FRMD3: variants seen among roughly 807,000 people sequenced by gnomAD.
FRMD3 encodes FERM domain-containing protein 3.
Under a neutral mutation model 70.2 loss-of-function variants are expected in FRMD3, and 33 were observed. The observed-to-expected ratio is 0.47, with a 90% CI of 0.36 to 0.63. The LOEUF (loss-of-function observed/expected upper bound fraction) is 0.63. FRMD3 is among the 20% of genes least tolerant of loss of function. The probability of loss-of-function intolerance (pLI) is 0.00; values close to 1 mark genes in which losing one functional copy is unlikely to be tolerated. For synonymous variants in FRMD3, 279 were observed against 255.9 expected, an observed-to-expected ratio of 1.09 and a Z score of -0.86; for missense variants, 632 against 711.4, an observed-to-expected ratio of 0.89 and a Z score of 1.27.
rs529411541 is a variant in FRMD3 at position 83,390,551 on chromosome 9, C to T, written c.148-843G>A. 4.6e-5 allele frequency among the ~76,000 whole-genome samples: 7 copies of T among 152,210 alleles called. 1 individual carries two copies. Among genetic ancestry groups the T allele is most frequent in the African/African-American group, 1.2e-4 (5 of 41,530 alleles). Reference sequence around the variant, plus strand: ...GGTAAACCCCTAGCTGTTTCTACTTCGGTAAAATAAGGTGGTTGGACTAGA... The same window carrying T: ...GGTAAACCCCTAGCTGTTTCTACTTTGGTAAAATAAGGTGGTTGGACTAGA... On this transcript the variant is annotated intron_variant, in intron 1 of 13. Coordinates refer to ENST00000304195, the MANE Select transcript of FRMD3 (RefSeq NM_174938.6).
chr9:83,495,263 T>C (rs1828918532), intron 1 of FRMD3, among the ~76,000 whole-genome samples: 1 of 152,078 alleles, frequency 6.6e-6, no homozygotes, highest in South Asian at 2.1e-4. Flanking sequence ...AGAGGACAAG[T>C]TTCCAGGAGG....
chr9:83,386,190 G>A (rs1434979621), intron 2 of FRMD3, among the ~76,000 whole-genome samples: 2 of 152,196 alleles, frequency 1.3e-5, no homozygotes, highest in Non-Finnish European at 2.9e-5. Context: ...CTAATCAGGA[G>A]AGATGGGATT....
chr9:83,269,761 T>C (rs1266043978), intron 13 of FRMD3, among the ~76,000 whole-genome samples: 1 of 152,190 alleles, frequency 6.6e-6, no homozygotes, highest in East Asian at 1.9e-4. Flanking sequence ...ACAAAAGTAT[T>C]ATTATTATTT....
At chr9:83,280,727 CATT>C (rs1833950101) in intron 13 of FRMD3, among the ~76,000 whole-genome samples, 1 of 152,102 alleles carries the variant, frequency 6.6e-6, no homozygotes, top group African/African-American at 2.4e-5. Flanking sequence ...GTATATCTGT[CATT>C]GTATATATGC....
intron 3 of FRMD3, among the ~76,000 whole-genome samples, chr9:83,350,040 T>G (rs1002547815): frequency 2.0e-5 from 3 of 152,190 alleles, no homozygotes; most frequent in Non-Finnish European, 1.5e-5. Context: ...CTTCATTCCT[T>G]CATTCTCTCC....
At chr9:83,545,286 G>C in the FRMD3 span, among the ~76,000 whole-genome samples, 1 of 151,286 alleles carries the variant, frequency 6.6e-6, no homozygotes, top group Non-Finnish European at 1.5e-5. Flanking sequence ...AAGAATTTCA[G>C]AGCTCAATGA....
intron 1 of FRMD3, among the ~76,000 whole-genome samples, chr9:83,488,972 T>TTGTGTG (rs4014025): frequency 0.12 from 16,231 of 135,232 alleles, 1,239 homozygotes; most frequent in Admixed American, 0.17. Flanking sequence ...CCCTATACCT[T>TTGTGTG]TGTGTGTGTG....
chr9:83,289,531 G>T (rs903340113), intron 13 of FRMD3, among the ~76,000 whole-genome samples: 2 of 152,092 alleles, frequency 1.3e-5, no homozygotes, highest in Non-Finnish European at 2.9e-5. Flanking sequence ...CTGCAAATTG[G>T]TTGCTGCTAC....
chr9:83,417,272 T>G (rs938821501), intron 1 of FRMD3, among the ~76,000 whole-genome samples: 1 of 152,244 alleles, frequency 6.6e-6, no homozygotes, highest in Non-Finnish European at 1.5e-5. Context: ...TGCCAAGCAC[T>G]GTTCTAGGTG....
chr9:83,533,291 A>AT (rs1270160878), intron 1 of FRMD3, among the ~76,000 whole-genome samples: 1 of 152,216 alleles, frequency 6.6e-6, no homozygotes, highest in African/African-American at 2.4e-5. Context: ...CAGTAACACA[A>AT]TAACATCCAT....
At chr9:83,570,951 A>G in the FRMD3 span, among the ~76,000 whole-genome samples, 2 of 152,216 alleles carry the variant, frequency 1.3e-5, no homozygotes, top group Non-Finnish European at 2.9e-5. Context: ...AGAAAAGTCA[A>G]AAATGACTCT....
At chr9:83,543,380 T>G (rs1029177921), upstream of FRMD3, among the ~76,000 whole-genome samples, 4 of 152,116 alleles carry the variant, frequency 2.6e-5, no homozygotes, top group African/African-American at 9.7e-5. Context: ...GTTTCCAAAC[T>G]GTTGAAGAGC....
chr9:83,261,696 T>C (rs529949033), intron 13 of FRMD3, among the ~76,000 whole-genome samples: 1 of 152,318 alleles, frequency 6.6e-6, no homozygotes, highest in South Asian at 2.1e-4. Context: ...CCCTTAAGGT[T>C]CTGCCAGCTG....
chr9:83,435,576 A>G (rs1462580983), intron 1 of FRMD3, among the ~76,000 whole-genome samples: 1 of 151,976 alleles, frequency 6.6e-6, no homozygotes. Flanking sequence ...GCTGTCTTTT[A>G]GCCAGTTACT....
At chr9:83,500,677 A>G (rs750007207) in intron 1 of FRMD3, among the ~76,000 whole-genome samples, 25 of 152,216 alleles carry the variant, frequency 1.6e-4, no homozygotes, top group Non-Finnish European at 2.9e-4. Context: ...AGGGAGCCCC[A>G]ATGCATATCT....
chr9:83,449,184 CA>C (rs1190473579), intron 1 of FRMD3, among the ~76,000 whole-genome samples: 1 of 152,174 alleles, frequency 6.6e-6, no homozygotes, highest in East Asian at 1.9e-4. Context: ...ATGATTGCCC[CA>C]CCAGTCTGGA....
intron 5 of FRMD3, 49 bp downstream of exon 5, chr9:83,343,141 A>G (rs1823830881): frequency 7.6e-7 from 1 of 1,313,494 alleles, no homozygotes; most frequent in Non-Finnish European, 1.1e-6. Context: ...TGAAACAGCC[A>G]GAGCTCCACA....
chr9:83,503,033 A>G (rs1467123298), intron 1 of FRMD3, among the ~76,000 whole-genome samples: 1 of 152,180 alleles, frequency 6.6e-6, no homozygotes, highest in East Asian at 1.9e-4. Context: ...TAGCAGTAGT[A>G]CTGCTAATAC....
intron 13 of FRMD3, among the ~76,000 whole-genome samples, chr9:83,255,782 C>T (rs1353164724): frequency 6.6e-6 from 1 of 151,930 alleles, no homozygotes; most frequent in East Asian, 1.9e-4. Flanking sequence ...AAAATTGCTG[C>T]AAAAAGAATA....
Sources: gnomAD v4.1 joint callset for allele counts (sites outside exome capture counted in the v4.1 genomes callset) on GRCh38, gnomAD v4.1.1 for gene constraint, MANE v1.5 for transcripts, NCBI Gene and HGNC (gene_info 2026-07-23, HGNC 2026-07-21) for gene names.